NXPE2: variants seen among roughly 807,000 people sequenced by gnomAD.
NXPE2 encodes the protein NXPE family member 2.
Under a neutral mutation model 34.4 loss-of-function variants are expected in NXPE2, and 34 were observed. The ratio of observed to expected loss-of-function variants is 0.99; its 90% CI spans 0.75 to 1.31. The LOEUF (loss-of-function observed/expected upper bound fraction) is 1.31, where lower values mean the gene tolerates loss of function less well. Ranked by LOEUF, NXPE2 falls within the 40% of genes most tolerant of loss-of-function variation. The pLI, the probability that NXPE2 is intolerant of heterozygous loss-of-function variation, is 0.00. For missense variants in NXPE2, 649 were observed against 672.5 expected (o/e 0.97, Z 0.39); for synonymous variants, 235 against 231.3 (o/e 1.02, Z -0.15).
the NXPE2 span, among the ~76,000 whole-genome samples, chr11:114,809,080 CA>C: frequency 1.3e-5 from 2 of 152,058 alleles, no homozygotes; most frequent in African/African-American, 4.8e-5. Flanking sequence ...TAAACAGAAC[CA>C]AAGACAAAAA....
chr11:114,662,557 C>T, the NXPE2 span, among the ~76,000 whole-genome samples: 1 of 152,154 alleles, frequency 6.6e-6, no homozygotes, highest in African/African-American at 2.4e-5. Context: ...TTCTGAGACA[C>T]CAGCTGCGGT....
At chr11:114,602,170 A>G in the NXPE2 span, among the ~76,000 whole-genome samples, 1 of 106,842 alleles carries the variant, frequency 9.4e-6, no homozygotes, top group Non-Finnish European at 1.7e-5. Flanking sequence ...TTTATAATAT[A>G]TTATACTATA....
the NXPE2 span, among the ~76,000 whole-genome samples, chr11:114,798,386 CCCTTCCCTTCCCTTTTCTT>C: frequency 6.6e-6 from 1 of 151,980 alleles, no homozygotes; most frequent in African/African-American, 2.4e-5. Context: ...TTTCTTTTCT[CCCTTCCCTTCCCTTTTCTT>C]CTTTCCAGAG....
At chr11:114,730,034 A>G in the NXPE2 span, among the ~76,000 whole-genome samples, 78 of 152,250 alleles carry the variant, frequency 5.1e-4, no homozygotes, top group African/African-American at 1.8e-3. Context: ...TTACAGTTTG[A>G]GGTCTTACAT....
chr11:114,478,428 C>T, the NXPE2 span, among the ~76,000 whole-genome samples: 4 of 152,100 alleles, frequency 2.6e-5, no homozygotes, highest in Non-Finnish European at 5.9e-5. Flanking sequence ...TTTACAATTG[C>T]AAATTTTCTA....
At chr11:114,623,245 T>A in the NXPE2 span, among the ~76,000 whole-genome samples, 2 of 150,254 alleles carry the variant, frequency 1.3e-5, no homozygotes, top group Non-Finnish European at 3.0e-5. Context: ...AACCACTGTT[T>A]CCCGGTGGGT....
chr11:114,649,572 CA>C, the NXPE2 span, among the ~76,000 whole-genome samples: 1 of 152,110 alleles, frequency 6.6e-6, no homozygotes, highest in African/African-American at 2.4e-5. Context: ...GTTGCCTGGG[CA>C]ACTAGGTAAA....
the NXPE2 span, among the ~76,000 whole-genome samples, chr11:114,764,254 T>G: frequency 2.5e-4 from 38 of 152,272 alleles, 1 homozygote; most frequent in East Asian, 6.7e-3. Context: ...GTTGGGAATA[T>G]TTTAATATAG....
the NXPE2 span, among the ~76,000 whole-genome samples, chr11:114,614,026 G>A: frequency 3.0e-4 from 45 of 150,620 alleles, 1 homozygote; most frequent in Admixed American, 2.7e-3. Flanking sequence ...GTATTGTCTC[G>A]TGGGTAACCA....
chr11:114,571,462 C>T, the NXPE2 span: 9 of 1,606,118 alleles, frequency 5.6e-6, no homozygotes, highest in Non-Finnish European at 5.1e-6. Flanking sequence ...TGCAGATCCA[C>T]TGACTTCAGT....
chr11:114,623,751 G>A, the NXPE2 span, among the ~76,000 whole-genome samples: 1 of 151,964 alleles, frequency 6.6e-6, no homozygotes, highest in Non-Finnish European at 1.5e-5. Context: ...ACTGTTAACT[G>A]GTGGATAATA....
the NXPE2 span, among the ~76,000 whole-genome samples, chr11:114,470,786 A>G: frequency 7.7e-4 from 117 of 152,252 alleles, no homozygotes; most frequent in African/African-American, 2.7e-3. Context: ...GGGCAACCTC[A>G]CTGTTTCCTC....
chr11:114,606,292 T>TCTTC, the NXPE2 span, among the ~76,000 whole-genome samples: 1 of 151,456 alleles, frequency 6.6e-6, no homozygotes, highest in South Asian at 2.1e-4. Context: ...GGATAATAAA[T>TCTTC]GTTGCCTCAT....
chr11:114,530,140 G>C, the NXPE2 span: 1 of 1,549,894 alleles, frequency 6.5e-7, no homozygotes, highest in Non-Finnish European at 8.7e-7. Context: ...ACTTCTCAGG[G>C]GACACTTCTC....
chr11:114,601,921 TAATATATTTATA>T, the NXPE2 span, among the ~76,000 whole-genome samples: 2 of 55,998 alleles, frequency 3.6e-5, no homozygotes, highest in African/African-American at 6.4e-5. Context: ...TAATTATATA[TAATATATTTATA>T]TATATTATAT....
the NXPE2 span, among the ~76,000 whole-genome samples, chr11:114,787,000 A>G: frequency 6.6e-6 from 1 of 152,118 alleles, no homozygotes; most frequent in African/African-American, 2.4e-5. Context: ...CCTGAGAGCC[A>G]CAAACACCCC....
At chr11:114,519,207 T>A in the NXPE2 span, among the ~76,000 whole-genome samples, 1 of 143,884 alleles carries the variant, frequency 7.0e-6, no homozygotes, top group Non-Finnish European at 1.5e-5. Context: ...AAAGATACTT[T>A]ACAGAAAATG....
chr11:114,605,585 G>A, the NXPE2 span, among the ~76,000 whole-genome samples: 190 of 151,782 alleles, frequency 1.3e-3, no homozygotes, highest in African/African-American at 4.3e-3. Flanking sequence ...AATAAGTATT[G>A]CCTCGTCGGT....
At chr11:114,742,596 T>C in the NXPE2 span, among the ~76,000 whole-genome samples, 1 of 149,242 alleles carries the variant, frequency 6.7e-6, no homozygotes, top group African/African-American at 2.5e-5. Context: ...TTGTTCTTAC[T>C]TTCTTCAATG....
Sources: allele counts gnomAD v4.1 joint callset (sites outside exome capture counted in the v4.1 genomes callset), GRCh38; gene constraint gnomAD v4.1.1; transcripts MANE v1.5; gene names NCBI Gene and HGNC (gene_info 2026-07-23, HGNC 2026-07-21).